CNTNAP2: variants seen among roughly 807,000 people sequenced by gnomAD.
CNTNAP2 encodes the protein contactin-associated protein-like 2.
In CNTNAP2, 98 loss-of-function variants were observed where a neutral mutation model predicts 155.2. The ratio of observed to expected loss-of-function variants is 0.63; its 90% CI spans 0.54 to 0.75. The LOEUF is 0.75. Among genes scored for constraint, CNTNAP2 ranks in the 30% least tolerant of loss-of-function variants. The pLI is 0.00. For synonymous variants in CNTNAP2, 651 were observed against 631.2 expected (o/e 1.03, Z -0.47); for missense variants, 1,727 against 1,688.1 (o/e 1.02, Z -0.40).
chr7:146,510,472 G>T (rs1026987789), intron 1 of CNTNAP2, among the ~76,000 whole-genome samples: 1 of 152,124 alleles, frequency 6.6e-6, no homozygotes, highest in Non-Finnish European at 1.5e-5. Flanking sequence ...ATTCAGTATT[G>T]TTTGTGGTCC....
At chr7:147,873,307 T>C (rs1799360158) in intron 13 of CNTNAP2, among the ~76,000 whole-genome samples, 3 of 152,238 alleles carry the variant, frequency 2.0e-5, no homozygotes. Context: ...ATTCTCATTC[T>C]GCTAATAAGG....
chr7:147,605,402 G>A (rs184722914), intron 12 of CNTNAP2, among the ~76,000 whole-genome samples: 24 of 152,282 alleles, frequency 1.6e-4, no homozygotes, highest in African/African-American at 5.8e-4. Flanking sequence ...CTGAGCTACA[G>A]AAAGGAATAG....
intron 10 of CNTNAP2, among the ~76,000 whole-genome samples, chr7:147,407,601 C>T (rs1268417562): frequency 2.0e-5 from 3 of 149,796 alleles, no homozygotes; most frequent in Non-Finnish European, 4.4e-5. Flanking sequence ...TACTAAACTA[C>T]ACAATGAGAA....
At chr7:147,910,726 G>A (rs182308774) in intron 14 of CNTNAP2, among the ~76,000 whole-genome samples, 1 of 152,092 alleles carries the variant, frequency 6.6e-6, no homozygotes, top group Admixed American at 6.6e-5. Flanking sequence ...AAAACCATCA[G>A]ATCTCATGAG....
chr7:147,688,710 A>G (rs1053406256), intron 13 of CNTNAP2, among the ~76,000 whole-genome samples: 5 of 152,138 alleles, frequency 3.3e-5, no homozygotes, highest in African/African-American at 1.2e-4. Flanking sequence ...AAAGTTAGAG[A>G]CCACACAAGC....
intron 13 of CNTNAP2, among the ~76,000 whole-genome samples, chr7:147,712,009 C>T (rs116029887): frequency 6.6e-6 from 1 of 152,250 alleles, no homozygotes; most frequent in African/African-American, 2.4e-5. Context: ...CTGGCTCTAT[C>T]CTCTTTCTCA....
At chr7:148,327,859 C>CT (rs1262005501) in intron 21 of CNTNAP2, among the ~76,000 whole-genome samples, 1 of 152,190 alleles carries the variant, frequency 6.6e-6, no homozygotes, top group Non-Finnish European at 1.5e-5. Flanking sequence ...GCCCCCACCC[C>CT]TTTCTCATGG....
chr7:147,199,637 T>G (rs1421782567), intron 8 of CNTNAP2, among the ~76,000 whole-genome samples: 1 of 152,042 alleles, frequency 6.6e-6, no homozygotes. Context: ...TAGGGCTTGT[T>G]GTTGTTTTTT....
intron 1 of CNTNAP2, among the ~76,000 whole-genome samples, chr7:146,265,904 T>G (rs879619564): frequency 3.9e-5 from 6 of 152,162 alleles, no homozygotes; most frequent in Non-Finnish European, 8.8e-5. Context: ...ATGAACCTTC[T>G]TTGTTTGCTT....
intron 13 of CNTNAP2, among the ~76,000 whole-genome samples, chr7:147,690,198 G>T (rs942517377): frequency 6.6e-6 from 1 of 152,052 alleles, no homozygotes; most frequent in Non-Finnish European, 1.5e-5. Context: ...ACCTTGCTCG[G>T]CTGGCAGTTT....
At chr7:147,810,067 G>A (rs927878062) in intron 13 of CNTNAP2, among the ~76,000 whole-genome samples, 11 of 152,256 alleles carry the variant, frequency 7.2e-5, no homozygotes, top group African/African-American at 2.2e-4. Context: ...AAGAGTAAAC[G>A]TGGATGTTGG....
intron 3 of CNTNAP2, among the ~76,000 whole-genome samples, chr7:146,951,063 CAT>C (rs1440186362): frequency 6.6e-6 from 1 of 152,000 alleles, no homozygotes; most frequent in Non-Finnish European, 1.5e-5. Context: ...AGCTTTTTTT[CAT>C]ATGTTTGTTG....
At chr7:147,716,424 C>T (rs1186459726) in intron 13 of CNTNAP2, among the ~76,000 whole-genome samples, 1 of 151,998 alleles carries the variant, frequency 6.6e-6, no homozygotes, top group East Asian at 1.9e-4. Flanking sequence ...CTACATAGGG[C>T]ACAAAAAAAC....
intron 15 of CNTNAP2, among the ~76,000 whole-genome samples, chr7:148,051,638 C>T (rs975291834): frequency 2.0e-5 from 3 of 152,050 alleles, no homozygotes; most frequent in Non-Finnish European, 4.4e-5. Flanking sequence ...GTGTAAAACT[C>T]TGAAATAAAC....
rs11384134 is a variant in CNTNAP2 at position 148,217,108 on chromosome 7, C to CTT, written c.3011-168_3011-167dup. Among the ~76,000 whole-genome samples the CTT allele has an allele frequency of 4.3e-4, 62 of 144,210 alleles. 1 individual carries two copies. Among genetic ancestry groups the CTT allele is most frequent in the East Asian group, 1.8e-3 (9 of 4,984 alleles). 94.6% of individuals were successfully genotyped at this position (144,210 alleles called of 152,430 possible). On this transcript the variant is annotated intron_variant, in intron 18 of 23. Transcript: ENST00000361727. ...CTAATACATCATACCCTGTTACATG[C>CTT]TTTTTTTTTTTTTGATAAGAGTATT...
At chr7:147,487,571 A>T (rs1459814037) in intron 11 of CNTNAP2, among the ~76,000 whole-genome samples, 2 of 152,198 alleles carry the variant, frequency 1.3e-5, no homozygotes, top group Admixed American at 1.3e-4. Context: ...AATGCTAACC[A>T]ATGGTCAAGA....
intron 8 of CNTNAP2, among the ~76,000 whole-genome samples, chr7:147,271,537 A>T (rs1804753816): frequency 6.6e-6 from 1 of 152,076 alleles, no homozygotes; most frequent in Non-Finnish European, 1.5e-5. Flanking sequence ...CGTACCTGAG[A>T]CTGGGTAATT....
chr7:148,238,403 T>C (rs1442592269), intron 20 of CNTNAP2, among the ~76,000 whole-genome samples: 1 of 152,182 alleles, frequency 6.6e-6, no homozygotes, highest in African/African-American at 2.4e-5. Flanking sequence ...AGAGACATGA[T>C]CTTCTCTAGA....
chr7:147,703,520 T>C (rs1432162103), intron 13 of CNTNAP2, among the ~76,000 whole-genome samples: 1 of 152,082 alleles, frequency 6.6e-6, no homozygotes, highest in East Asian at 1.9e-4. Context: ...ATTTACAGAG[T>C]AAGGACAAAA....
Sources: allele counts gnomAD v4.1 joint callset (sites outside exome capture counted in the v4.1 genomes callset), GRCh38; gene constraint gnomAD v4.1.1; transcripts MANE v1.5; gene names NCBI Gene and HGNC (gene_info 2026-07-23, HGNC 2026-07-21).